The following IPO13 variants were observed in gnomAD, a reference collection of about 807,000 sequenced individuals.
The protein encoded by IPO13 is importin 13.
IPO13 carries 28 observed loss-of-function variants against 115.5 expected under a neutral mutation model. The ratio of observed to expected loss-of-function variants is 0.24; its 90% CI spans 0.18 to 0.33. The LOEUF (loss-of-function observed/expected upper bound fraction) is 0.33, where lower values mean the gene tolerates loss of function less well. Among genes scored for constraint, IPO13 ranks in the 10% least tolerant of loss-of-function variants. IPO13 has a pLI of 1.00. For synonymous variants in IPO13, 414 were observed against 478.9 expected, an observed-to-expected ratio of 0.86 and a Z score of 1.77; for missense variants, 785 against 1,204.6, an observed-to-expected ratio of 0.65 and a Z score of 5.16.
rs148650910 is a variant in IPO13 at position 43,949,889 on chromosome 1, G to A, written c.557G>A (p.Arg186His). ...EFQTSRLPQY[R>H]KGLVRTSLAV... is the part of the protein sequence containing the mutation. The stretch of plus-strand genomic sequence containing the variant: ...CAGACCAGTCGCCTACCCCAGTACC[G>A]CAAAGGCCTGGTGCGGACCAGCCTG... Residue 186 changes from arginine to histidine, a missense_variant, in exon 2 of 20, where the codon CGC becomes CAC. Transcript: ENST00000372343. 9 of 1,611,298 alleles carry A rather than the reference G, an allele frequency of 5.6e-6. No homozygotes were observed. The East Asian group carries it at 8.9e-5, about 16-fold the overall frequency.
chr1:43,956,225 C>A lies in IPO13; in HGVS notation c.822-95C>A. 7.1e-7 allele frequency: 1 copy of A among 1,405,250 alleles called. No homozygotes were observed. The highest frequency in any genetic ancestry group is 9.8e-7 in the Non-Finnish European group (1 of 1,020,526). The allele number at this position is 1,405,250 out of a possible 1,614,324, so 87.0% of individuals were successfully genotyped here. On this transcript the variant is annotated intron_variant, in intron 2 of 19. Coordinates refer to ENST00000372343, the MANE Select transcript of IPO13 (RefSeq NM_014652.4). The surrounding 1 kb of genome is among the most constrained non-coding windows in gnomAD (Gnocchi z 4.7). ...TTAGGATTTGATAAGGGAAGGGGAG[C>A]TTTGATGGAAGACAAGGAGATTATG...
intron 14 of IPO13, among the ~76,000 whole-genome samples, chr1:43,963,838 C>A (rs1384693590): frequency 6.6e-6 from 1 of 152,192 alleles, no homozygotes; most frequent in Non-Finnish European, 1.5e-5. Context: ...CTGACTCCCC[C>A]ACCCCCCCAC....
In IPO13 at chr1:43,967,820, G is replaced by A; in HGVS notation, c.*138G>A. ...TGAAAGCCTGGGTCCAGAAGGCCTG[G>A]GGGAAGGATGGGAGGATGCTTGGAC... is the stretch of plus-strand genomic sequence containing the variant. On this transcript the variant is annotated 3_prime_UTR_variant, in exon 20 of 20. Transcript: ENST00000372343. The surrounding 1 kb of genome is among the most constrained non-coding windows in gnomAD (Gnocchi z 6.1). The A allele has an allele frequency of 2.6e-6, 2 of 782,354 alleles. No individual in the cohort carries two copies. Among genetic ancestry groups the A allele is most frequent in the Non-Finnish European group, 4.3e-6 (2 of 469,406 alleles). 48.5% of individuals were successfully genotyped at this position (782,354 alleles called of 1,614,324 possible). A position where few individuals can be genotyped will look rare whatever the true frequency, so the allele number is the denominator to read the frequency against.
chr1:43,964,299 C>G lies in IPO13; in HGVS notation c.2375C>G (p.Ser792Ter). 1 of 1,610,078 alleles carries G rather than the reference C, an allele frequency of 6.2e-7. No homozygotes were observed. Residue 792 changes from serine to a stop codon, truncating the protein, a stop_gained, in exon 15 of 20, where the codon TCA becomes TGA. Transcript: ENST00000372343. LOFTEE classifies it high-confidence loss of function. Reference sequence around the variant, plus strand: ...AGGGATCATCCTGATATTGTTGATTCATTTATGCAACTCCTGGCACAGGTG... The same window carrying G: ...AGGGATCATCCTGATATTGTTGATTGATTTATGCAACTCCTGGCACAGGTG... ...GPRDHPDIVD[S>*]FMQLLAQALK...
At chr1:43,964,985 AATGTGTGCCTTG>A (rs946780192) in intron 15 of IPO13, among the ~76,000 whole-genome samples, 4 of 152,142 alleles carry the variant, frequency 2.6e-5, no homozygotes, top group South Asian at 2.1e-4. Context: ...TGCTGAGATG[AATGTGTGCCTTG>A]ATGTGTGCTG....
intron 7 of IPO13, 49 bp from the exon 8 acceptor site, chr1:43,957,928 G>C (rs1213103857): frequency 1.3e-6 from 2 of 1,590,450 alleles, no homozygotes; most frequent in Admixed American, 1.7e-5. Flanking sequence ...ATGGTACAAA[G>C]CCAGCCTGGC....
At chr1:43,965,566 A>G (rs1234956011) in intron 15 of IPO13, among the ~76,000 whole-genome samples, 1 of 152,028 alleles carries the variant, frequency 6.6e-6, no homozygotes, top group Non-Finnish European at 1.5e-5. Context: ...GGAAGAGTGC[A>G]CAGGGGGACT....
At position 43,966,915 on chromosome 1, in the gene IPO13, C is replaced by G; in HGVS notation, c.2524-15C>G. On this transcript the variant is annotated splice_polypyrimidine_tract_variant and intron_variant, in intron 17 of 19. Transcript: ENST00000372343. This position sits in a 1 kb window ranked among gnomAD's most constrained non-coding sequence, Gnocchi z 4.1. ...GGGAAGGAGCTGGGCTGATGGGCCT[C>G]TCCATCCTCTGCAGACAGAGCTGCT... The G allele has an allele frequency of 6.2e-7, 1 of 1,613,476 alleles. No individual in the cohort carries two copies. Among genetic ancestry groups the G allele is most frequent in the Non-Finnish European group, 8.5e-7 (1 of 1,179,698 alleles).
At position 43,966,713 on chromosome 1, in the gene IPO13, C is replaced by G. The variant is rs775352802; in HGVS notation, c.2465-11C>G. 6.2e-7 allele frequency: 1 copy of G among 1,614,212 alleles called. No homozygotes were observed. Among genetic ancestry groups the G allele is most frequent in the Non-Finnish European group, 8.5e-7 (1 of 1,180,036 alleles). The stretch of plus-strand genomic sequence containing the variant: ...GATCGTTAAACTGATCTGCCTCTGC[C>G]TTTCCCACAGCTGTGCTGGCCCTCA... On this transcript the variant is annotated splice_polypyrimidine_tract_variant and intron_variant, in intron 16 of 19. Transcript: ENST00000372343. The surrounding 1 kb of genome is among the most constrained non-coding windows in gnomAD (Gnocchi z 4.1).
rs945996853 is a variant in IPO13 at position 43,952,358 on chromosome 1, C to T, written c.821+2205C>T. On this transcript the variant is annotated intron_variant, in intron 2 of 19. Coordinates refer to ENST00000372343, the MANE Select transcript of IPO13 (RefSeq NM_014652.4). This position sits in a 1 kb window ranked among gnomAD's most constrained non-coding sequence, Gnocchi z 4.7. ...CTAATTTTTGTATTTTTAGTAGAAACGGGGTTTTGCCATGTTGGTCAGGCT... is the reference window on the plus strand; with the variant it reads ...CTAATTTTTGTATTTTTAGTAGAAATGGGGTTTTGCCATGTTGGTCAGGCT... 9.9e-5 allele frequency among the ~76,000 whole-genome samples: 15 copies of T among 152,040 alleles called. No homozygotes were observed. Among genetic ancestry groups the T allele is most frequent in the Admixed American group, 2.6e-4 (4 of 15,264 alleles).
chr1:43,965,324 T>C (rs181670499), intron 15 of IPO13, among the ~76,000 whole-genome samples: 4 of 151,970 alleles, frequency 2.6e-5, no homozygotes, highest in Middle Eastern at 3.4e-3. Context: ...ATTTATTGAG[T>C]GTGTGATACA....
chr1:43,958,401 T>G lies in IPO13; in HGVS notation c.1750-60T>G. On this transcript the variant is annotated intron_variant, in intron 9 of 19. Transcript: ENST00000372343. The surrounding 1 kb of genome is among the most constrained non-coding windows in gnomAD (Gnocchi z 6.3). The stretch of plus-strand genomic sequence containing the variant: ...TTTTTCTTCTCCCAAGAGGCTCATT[T>G]TCCTTCCTACCCCACAACTAGATGT... The G allele has an allele frequency of 6.2e-7, 1 of 1,612,192 alleles. No individual in the cohort carries two copies. Among genetic ancestry groups the G allele is most frequent in the Non-Finnish European group, 8.5e-7 (1 of 1,179,074 alleles).
rs967255497 is a variant in IPO13, at chr1:43,967,270, C to T, written c.2614-45C>T. Reference sequence around the variant, plus strand: ...TTAGGCATTCTTGCTGCAGAAGCGGCGGAAGGGGCAACACCCTGGTGTGCT... The same window carrying T: ...TTAGGCATTCTTGCTGCAGAAGCGGTGGAAGGGGCAACACCCTGGTGTGCT... On this transcript the variant is annotated intron_variant, in intron 18 of 19. Transcript: ENST00000372343. This position sits in a 1 kb window ranked among gnomAD's most constrained non-coding sequence, Gnocchi z 6.1. 15 of 1,585,904 alleles carry T rather than the reference C, an allele frequency of 9.5e-6. No homozygotes were observed. The highest frequency in any genetic ancestry group is 1.3e-5 in the African/African-American group (1 of 74,490).
intron 2 of IPO13, among the ~76,000 whole-genome samples, chr1:43,954,912 C>G (rs575371753): frequency 6.6e-6 from 1 of 152,202 alleles, no homozygotes; most frequent in Non-Finnish European, 1.5e-5. Context: ...CCTGCATAAC[C>G]TATCAGGTGT....
Position 43,967,742 on chromosome 1 carries a change from C to T in IPO13, c.*60C>T. ...TCCTTCCCTATTCCCAAAGAGTAAACCTGGACCCTCACTGCTGTCTCTGCC... is the reference window on the plus strand; with the variant it reads ...TCCTTCCCTATTCCCAAAGAGTAAATCTGGACCCTCACTGCTGTCTCTGCC... On this transcript the variant is annotated 3_prime_UTR_variant, in exon 20 of 20. Transcript: ENST00000372343. This position sits in a 1 kb window ranked among gnomAD's most constrained non-coding sequence, Gnocchi z 6.1. 3 of 1,478,238 alleles carry T rather than the reference C, an allele frequency of 2.0e-6. No individual in the cohort carries two copies. The highest frequency in any genetic ancestry group is 9.4e-7 in the Non-Finnish European group (1 of 1,061,970). The allele number at this position is 1,478,238 out of a possible 1,614,324, so 91.6% of individuals were successfully genotyped here.
chr1:43,960,847 G>T, intron 12 of IPO13, 29 bp from the exon 13 acceptor site: 2 of 1,612,990 alleles, frequency 1.2e-6, no homozygotes, highest in South Asian at 2.2e-5. Context: ...ATGACCTGCT[G>T]ACCAGGGCCC....
rs2085176711 is a variant in IPO13, at chr1:43,947,634, G to A, written c.34G>A (p.Gly12Arg). Residue 12 changes from glycine to arginine, a missense_variant, in exon 1 of 20, where the codon GGG becomes AGG. Around this residue, in one of 3 missense-constraint regions of IPO13, gnomAD observed 325 missense variants for 449.8 expected, o/e 0.72. Transcript: ENST00000372343. ...GCGGGAGGAGCAGCCGGGGGCTGCA[G>A]GGGCTGGAGCAGCACCAGCCTTGGA... ...ERREEQPGAA[G>R]AGAAPALDFT... 1 of 1,331,238 alleles carries A rather than the reference G, an allele frequency of 7.5e-7. No homozygotes were observed. The highest frequency in any genetic ancestry group is 9.7e-7 in the Non-Finnish European group (1 of 1,032,550). The allele number at this position is 1,331,238 out of a possible 1,614,324, so 82.5% of individuals were successfully genotyped here. A position where few individuals can be genotyped will look rare whatever the true frequency, so the allele number is the denominator to read the frequency against.
chr1:43,967,713 T>G lies in IPO13; in HGVS notation c.*31T>G. 1.3e-6 allele frequency: 2 copies of G among 1,589,082 alleles called. No homozygotes were observed. The highest frequency in any genetic ancestry group is 1.7e-6 in the Non-Finnish European group (2 of 1,157,590). On this transcript the variant is annotated 3_prime_UTR_variant, in exon 20 of 20. Coordinates refer to ENST00000372343, the MANE Select transcript of IPO13 (RefSeq NM_014652.4). The surrounding 1 kb of genome is among the most constrained non-coding windows in gnomAD (Gnocchi z 6.1). Reference sequence around the variant, plus strand: ...GCCCCCATCCCATCCACCCCTTCTCTTCATCCTTCCCTATTCCCAAAGAGT... The same window carrying G: ...GCCCCCATCCCATCCACCCCTTCTCGTCATCCTTCCCTATTCCCAAAGAGT...
chr1:43,960,678 A>T (rs554824418), intron 12 of IPO13, among the ~76,000 whole-genome samples, 198 bp from the exon 13 acceptor site: 5 of 152,294 alleles, frequency 3.3e-5, no homozygotes, highest in Non-Finnish European at 7.4e-5. Flanking sequence ...CCACAGTTAC[A>T]TCCTGTGCCC....
Sources: gnomAD v4.1 joint callset for allele counts (sites outside exome capture counted in the v4.1 genomes callset) on GRCh38, gnomAD v4.1.1 for gene constraint, gnomAD v4.1.1 regional missense constraint, Gnocchi (gnomAD v3.1) non-coding constraint, MANE v1.5 for transcripts, NCBI Gene and HGNC (gene_info 2026-07-23, HGNC 2026-07-21) for gene names.